The following SRGAP2B variants were observed in gnomAD, a reference collection of about 807,000 sequenced individuals.
The protein encoded by SRGAP2B is SLIT-ROBO Rho GTPase activating protein 2B, also known as SLIT-ROBO Rho GTPase-activating protein 2B.
A neutral mutation model predicts 22.2 loss-of-function variants in SRGAP2B; 9 were observed. That is an observed-to-expected ratio of 0.41 (90% CI 0.24 to 0.71). The LOEUF is 0.71. SRGAP2B is among the 30% of genes least tolerant of loss of function. The pLI is 0.35. For missense variants in SRGAP2B, 114 were observed against 235.8 expected (o/e 0.48, Z 3.38); for synonymous variants, 36 against 87.4 (o/e 0.41, Z 3.28).
At chr1:144,905,714 G>A (rs1662938408) in intron 6 of SRGAP2B, 145 bp downstream of exon 6, 2 of 650,840 alleles carry the variant, frequency 3.1e-6, no homozygotes, top group Non-Finnish European at 5.5e-6. Context: ...AGGGCACAGA[G>A]CAAGGCCTCA....
intron 2 of SRGAP2B, among the ~76,000 whole-genome samples, chr1:145,015,166 T>C (rs1408476393): frequency 8.1e-6 from 1 of 122,944 alleles, no homozygotes; most frequent in Non-Finnish European, 1.7e-5. Context: ...GGCCTCTGCC[T>C]CCTGGGTTCA....
intron 2 of SRGAP2B, among the ~76,000 whole-genome samples, chr1:144,995,928 AT>A (rs201885834): frequency 2.0e-5 from 3 of 150,676 alleles, no homozygotes; most frequent in African/African-American, 5.0e-5. Context: ...TTGGAAAGAG[AT>A]TTTTTTCACT....
chr1:145,047,019 T>TA (rs1198347128), intron 2 of SRGAP2B, among the ~76,000 whole-genome samples: 1 of 134,922 alleles, frequency 7.4e-6, no homozygotes, highest in Non-Finnish European at 1.6e-5. Context: ...CTACTATAAA[T>TA]AAAAAAATTA....
chr1:144,909,665 G>A (rs1449371456), intron 5 of SRGAP2B, among the ~76,000 whole-genome samples: 2 of 150,378 alleles, frequency 1.3e-5, no homozygotes, highest in Non-Finnish European at 2.9e-5. Flanking sequence ...CTAGATGAGA[G>A]GTTTATTCTG....
At chr1:144,891,385 A>G (rs1662106508) in exon 10 of SRGAP2B, 1 of 13,044 alleles carries the variant, frequency 7.7e-5, no homozygotes, top group Non-Finnish European at 1.7e-4. Flanking sequence ...ATCAGTATGC[A>G]TATTCACTGG....
chr1:144,889,006 G>A (rs1266055777), exon 10 of SRGAP2B: 1 of 142,970 alleles, frequency 7.0e-6, no homozygotes, highest in African/African-American at 2.7e-5. Flanking sequence ...CCAGGCTGGA[G>A]TGCAGTGACA....
intron 2 of SRGAP2B, among the ~76,000 whole-genome samples, chr1:145,084,584 A>T (rs1403753983): frequency 1.3e-5 from 2 of 150,730 alleles, no homozygotes; most frequent in Non-Finnish European, 3.0e-5. Flanking sequence ...ATTTAGCATA[A>T]TGCTTAGTAA....
chr1:144,906,165 C>A, intron 5 of SRGAP2B, 91 bp from the exon 6 acceptor site: 1 of 695,288 alleles, frequency 1.4e-6, no homozygotes, highest in Non-Finnish European at 2.6e-6. Flanking sequence ...CTGGAGCTCT[C>A]CCCCATGAAG....
At chr1:145,081,474 T>C (rs1268828856) in intron 2 of SRGAP2B, among the ~76,000 whole-genome samples, 5 of 150,194 alleles carry the variant, frequency 3.3e-5, no homozygotes, top group African/African-American at 9.9e-5. Context: ...CCAAGCTTTC[T>C]GCCTCCCAAT....
intron 7 of SRGAP2B, among the ~76,000 whole-genome samples, chr1:144,904,886 TTCC>T (rs1472433450): frequency 6.8e-5 from 7 of 103,174 alleles, no homozygotes; most frequent in Non-Finnish European, 1.2e-4. Context: ...TAATAATGCC[TTCC>T]TCCCAGAATT....
chr1:145,013,011 A>C (rs1672170915), intron 2 of SRGAP2B, among the ~76,000 whole-genome samples: 1 of 149,820 alleles, frequency 6.7e-6, no homozygotes, highest in Non-Finnish European at 1.5e-5. Flanking sequence ...TGAGCCCACA[A>C]GGCAAAGATT....
intron 2 of SRGAP2B, among the ~76,000 whole-genome samples, chr1:145,080,607 A>G (rs1296385399): frequency 2.7e-5 from 4 of 146,392 alleles, no homozygotes; most frequent in Admixed American, 6.7e-5. Flanking sequence ...CTGGAGTGCA[A>G]TGGTGCGATC....
At chr1:144,907,723 T>G (rs2101708618) in intron 5 of SRGAP2B, among the ~76,000 whole-genome samples, 1 of 150,546 alleles carries the variant, frequency 6.6e-6, no homozygotes, top group East Asian at 1.9e-4. Flanking sequence ...CAACAATTAA[T>G]TATCTGGCCC....
chr1:145,026,323 C>T (rs1354338369), intron 2 of SRGAP2B, among the ~76,000 whole-genome samples: 1 of 26,600 alleles, frequency 3.8e-5, no homozygotes, highest in Admixed American at 4.2e-4. Context: ...GAGCCGAGAT[C>T]GTGCCACTGC....
chr1:144,971,077 T>A (rs1393298189), intron 3 of SRGAP2B, among the ~76,000 whole-genome samples: 1 of 149,486 alleles, frequency 6.7e-6, no homozygotes, highest in Non-Finnish European at 1.5e-5. Flanking sequence ...CCTTTTATAA[T>A]AAACTTGTTT....
chr1:144,925,731 GA>G (rs1370315905), intron 4 of SRGAP2B, among the ~76,000 whole-genome samples: 1 of 35,726 alleles, frequency 2.8e-5, no homozygotes, highest in East Asian at 9.4e-4. Context: ...AGAAAGAAAA[GA>G]AAGAAAGAAA....
intron 2 of SRGAP2B, among the ~76,000 whole-genome samples, chr1:145,038,317 T>C (rs1314275806): frequency 5.8e-5 from 7 of 119,872 alleles, no homozygotes; most frequent in Non-Finnish European, 9.6e-5. Flanking sequence ...TTTACTTACA[T>C]AAAGAAACAC....
At chr1:144,922,792 G>C (rs1362094511) in intron 4 of SRGAP2B, among the ~76,000 whole-genome samples, 3 of 150,646 alleles carry the variant, frequency 2.0e-5, no homozygotes, top group African/African-American at 5.0e-5. Flanking sequence ...ATCAAGTTCT[G>C]GTTCAGTGAA....
chr1:144,947,448 G>A (rs1341314826), intron 4 of SRGAP2B, among the ~76,000 whole-genome samples: 1 of 146,732 alleles, frequency 6.8e-6, no homozygotes, highest in Admixed American at 6.8e-5. Flanking sequence ...CATTTCCTTA[G>A]TGCCAAAAGA....
Sources: gnomAD v4.1 joint callset for allele counts (sites outside exome capture counted in the v4.1 genomes callset) on GRCh38, gnomAD v4.1.1 for gene constraint, MANE v1.5 for transcripts, NCBI Gene and HGNC (gene_info 2026-07-23, HGNC 2026-07-21) for gene names.